Variants in ADK observed in about 807,000 individuals in gnomAD.
ADK encodes the protein adenosine kinase.
Under a neutral mutation model 44.7 loss-of-function variants are expected in ADK, and 24 were observed. The ratio of observed to expected loss-of-function variants is 0.54; its 90% CI spans 0.39 to 0.76. The LOEUF (loss-of-function observed/expected upper bound fraction) is 0.76. Ranked by LOEUF, ADK falls within the 30% of genes least tolerant of loss-of-function variation. The pLI, the probability that ADK is intolerant of heterozygous loss-of-function variation, is 0.00. For synonymous variants in ADK, 128 were observed against 142.6 expected, an observed-to-expected ratio of 0.90 and a Z score of 0.73; for missense variants, 321 against 425.1, an observed-to-expected ratio of 0.76 and a Z score of 2.15.
At chr10:74,215,806 C>T (rs1288032423) in intron 2 of ADK, among the ~76,000 whole-genome samples, 1 of 141,450 alleles carries the variant, frequency 7.1e-6, no homozygotes, top group Non-Finnish European at 1.5e-5. Context: ...GCTGGGACTA[C>T]AATGCCTGGC....
chr10:74,232,407 A>T (rs1475110067), intron 3 of ADK, among the ~76,000 whole-genome samples: 1 of 151,936 alleles, frequency 6.6e-6, no homozygotes, highest in Non-Finnish European at 1.5e-5. Context: ...CTGCAGTCCC[A>T]GCTACTCAGG....
At chr10:74,405,475 G>A (rs11001031) in intron 6 of ADK, among the ~76,000 whole-genome samples, 97,756 of 150,588 alleles carry the variant, frequency 0.65, 32,875 homozygotes, top group Middle Eastern at 0.81. Context: ...TTTTTTTTTA[G>A]ATTTTATTAT....
chr10:74,179,513 T>G (rs951564845), intron 1 of ADK, among the ~76,000 whole-genome samples: 3 of 152,158 alleles, frequency 2.0e-5, no homozygotes, highest in Non-Finnish European at 2.9e-5. Flanking sequence ...TGAGAGTGAC[T>G]TCTGGTCATC....
chr10:74,245,701 C>T (rs1357754251), intron 3 of ADK, among the ~76,000 whole-genome samples: 1 of 151,956 alleles, frequency 6.6e-6, no homozygotes, highest in East Asian at 1.9e-4. Flanking sequence ...AGCAATTCTC[C>T]TGTGTCAGCC....
intron 6 of ADK, among the ~76,000 whole-genome samples, chr10:74,522,018 T>C (rs909139476): frequency 6.6e-6 from 1 of 152,084 alleles, no homozygotes; most frequent in African/African-American, 2.4e-5. Context: ...TAAGAGGCAG[T>C]TGTAGGGGAG....
At position 74,601,939 on chromosome 10, in the gene ADK, G is replaced by GAA. The variant is rs11447835; in HGVS notation, c.877+1459_877+1460dup. On this transcript the variant is annotated intron_variant, in intron 9 of 10. Coordinates refer to ENST00000539909, the MANE Select transcript of ADK (RefSeq NM_006721.4). ...GACTTCATCTCTACAAAAAAAAATGGAAAAAAAAAAAAAATTAGCTGAGAG... is the reference window on the plus strand; with the variant it reads ...GACTTCATCTCTACAAAAAAAAATGGAAAAAAAAAAAAAAAATTAGCTGAGAG... Among the ~76,000 whole-genome samples the GAA allele has an allele frequency of 9.5e-3, 1,323 of 139,208 alleles. 23 individuals are homozygous for GAA. Among genetic ancestry groups the GAA allele is most frequent in the African/African-American group, 0.031 (1,176 of 38,142 alleles). 91.3% of individuals were successfully genotyped at this position (139,208 alleles called of 152,430 possible). A position where few individuals can be genotyped will look rare whatever the true frequency, so the allele number is the denominator to read the frequency against.
intron 1 of ADK, among the ~76,000 whole-genome samples, chr10:74,182,492 C>G (rs1188884649): frequency 6.6e-6 from 1 of 152,052 alleles, no homozygotes; most frequent in Non-Finnish European, 1.5e-5. Flanking sequence ...TCTCAGCCTC[C>G]TGAGTAGCTG....
intron 1 of ADK, among the ~76,000 whole-genome samples, chr10:74,155,508 C>T (rs1188573149): frequency 1.3e-5 from 2 of 151,800 alleles, no homozygotes; most frequent in Admixed American, 1.3e-4. Context: ...TTTTTCTAGA[C>T]CCTATATATA....
At chr10:74,173,316 A>C (rs112978504) in intron 1 of ADK, among the ~76,000 whole-genome samples, 3 of 150,952 alleles carry the variant, frequency 2.0e-5, no homozygotes, top group Admixed American at 6.6e-5. Flanking sequence ...GATGGTCTCG[A>C]TCTCCTGACC....
intron 3 of ADK, among the ~76,000 whole-genome samples, chr10:74,290,215 C>T (rs1324521728): frequency 6.6e-6 from 1 of 152,086 alleles, no homozygotes; most frequent in Non-Finnish European, 1.5e-5. Flanking sequence ...GAGTTAGCTT[C>T]ACTTTGTCAG....
chr10:74,247,078 T>C (rs1467269960), intron 3 of ADK, among the ~76,000 whole-genome samples: 2 of 151,990 alleles, frequency 1.3e-5, no homozygotes, highest in Non-Finnish European at 2.9e-5. Flanking sequence ...TGAGAACTTA[T>C]GATCCTAATT....
intron 3 of ADK, among the ~76,000 whole-genome samples, chr10:74,241,741 C>T (rs1453768546): frequency 4.6e-5 from 7 of 150,626 alleles, no homozygotes; most frequent in Non-Finnish European, 1.0e-4. Flanking sequence ...CTTGCTCTGT[C>T]TCCCAGGCTG....
intron 6 of ADK, among the ~76,000 whole-genome samples, chr10:74,464,083 A>C (rs752808330): frequency 1.3e-5 from 2 of 152,204 alleles, no homozygotes; most frequent in Non-Finnish European, 2.9e-5. Flanking sequence ...TTCCAAAACT[A>C]TATACGTATA....
In ADK at chr10:74,280,012, G is replaced by A. The variant is rs1270388072; in HGVS notation, c.195-34655G>A. 2.0e-5 allele frequency among the ~76,000 whole-genome samples: 3 copies of A among 152,214 alleles called. No individual in the cohort carries two copies. In the East Asian group the frequency reaches 5.8e-4, roughly 29 times the overall value. On this transcript the variant is annotated intron_variant, in intron 3 of 10. Transcript: ENST00000539909. ...CACTGCACCCAACCTGGGTGACAGAGTTAGACTAGATCTCTTAAAACAAAC... is the reference window on the plus strand; with the variant it reads ...CACTGCACCCAACCTGGGTGACAGAATTAGACTAGATCTCTTAAAACAAAC...
intron 4 of ADK, among the ~76,000 whole-genome samples, chr10:74,317,078 C>T (rs1175484763): frequency 6.6e-6 from 1 of 152,128 alleles, no homozygotes; most frequent in Admixed American, 6.6e-5. Context: ...AAGAAAATGT[C>T]CCCAAAGCTC....
At chr10:74,677,965 C>CACA (rs1855458055) in intron 10 of ADK, among the ~76,000 whole-genome samples, 1 of 43,058 alleles carries the variant, frequency 2.3e-5, no homozygotes, top group Admixed American at 4.2e-4. Context: ...CCAGTCTCTA[C>CACA]AAAAAAAAAA....
intron 6 of ADK, among the ~76,000 whole-genome samples, chr10:74,402,880 G>A (rs1843769610): frequency 6.6e-6 from 1 of 152,124 alleles, no homozygotes. Context: ...CATCTTTGTG[G>A]TTTTATCTAC....
intron 4 of ADK, among the ~76,000 whole-genome samples, chr10:74,337,210 T>G (rs1301145003): frequency 6.6e-6 from 1 of 152,224 alleles, no homozygotes; most frequent in African/African-American, 2.4e-5. Flanking sequence ...AATGAAGACT[T>G]ACTAACTAAA....
chr10:74,547,625 G>A (rs976547963), intron 7 of ADK, among the ~76,000 whole-genome samples: 47 of 151,136 alleles, frequency 3.1e-4, no homozygotes, highest in Admixed American at 2.4e-3. Flanking sequence ...GGGAATACAG[G>A]CGCGCACCAC....
Sources: allele counts gnomAD v4.1 joint callset (sites outside exome capture counted in the v4.1 genomes callset), GRCh38; gene constraint gnomAD v4.1.1; transcripts MANE v1.5; gene names NCBI Gene and HGNC (gene_info 2026-07-23, HGNC 2026-07-21).